FBXO17: variants seen among roughly 807,000 people sequenced by gnomAD.
FBXO17 encodes F-box protein 17.
In FBXO17, 43 loss-of-function variants were observed where a neutral mutation model predicts 34.1. The ratio of observed to expected loss-of-function variants is 1.26; its 90% CI spans 0.99 to 1.62. The LOEUF (loss-of-function observed/expected upper bound fraction) is 1.62, where lower values mean the gene tolerates loss of function less well. Among genes scored for constraint, FBXO17 ranks in the 40% most tolerant of loss-of-function variants. The pLI, the probability that FBXO17 is intolerant of heterozygous loss-of-function variation, is 0.00. For synonymous variants in FBXO17, 169 were observed against 166.0 expected (o/e 1.02, Z -0.14); for missense variants, 424 against 386.7 (o/e 1.10, Z -0.81).
Position 38,950,176 on chromosome 19 carries a change from G to A in FBXO17, c.144C>T (p.Ala48=), listed in dbSNP as rs112506678. 4,267 of 1,559,760 alleles carry A rather than the reference G, an allele frequency of 2.7e-3. 83 individuals carry two copies. The African/African-American group carries it at 0.049, about 18-fold the overall frequency. The change falls in exon 2 of 6, where the codon GCC becomes GCT. Residue 48 remains alanine, a synonymous_variant. Transcript: ENST00000292852. ...TGGGCCCGTCCACTATGTCGCGCCA[G>A]GCGCGGCACACTGGGCGGCATCGCG... ...LVTRCRPVCR[A]WRDIVDGPTV... is the part of the protein sequence containing the mutation.
intron 1 of FBXO17, among the ~76,000 whole-genome samples, chr19:38,962,134 G>A (rs1262708777): frequency 3.4e-5 from 5 of 149,040 alleles, no homozygotes; most frequent in African/African-American, 1.2e-4. Flanking sequence ...AAAAAGCTCC[G>A]GGAACGGTGG....
At chr19:38,965,699 G>C (rs1307034975) in intron 1 of FBXO17, among the ~76,000 whole-genome samples, 3 of 152,084 alleles carry the variant, frequency 2.0e-5, no homozygotes, top group Non-Finnish European at 2.9e-5. Context: ...TAGAGACGAG[G>C]TTTCGCCATG....
chr19:38,946,524 C>A lies in FBXO17; in HGVS notation c.505G>T (p.Val169Leu), dbSNP rs546215787. ...RQLVDLVMEG[V>L]WQELLDSAQI... ...GCGCTGTCCAGCAGCTCCTGCCACA[C>A]CCCTTCCATCACCAGGTCCACAAGC... is the stretch of plus-strand genomic sequence containing the variant. Residue 169 changes from valine (V) to leucine (L), a missense_variant, in exon 4 of 6, where the codon GTG (valine) becomes TTG (leucine). Coordinates refer to ENST00000292852, the MANE Select transcript of FBXO17 (RefSeq NM_024907.7). 4.4e-5 allele frequency: 71 copies of A among 1,614,070 alleles called. No individual in the cohort carries two copies. The highest frequency in any genetic ancestry group is 3.5e-4 in the Admixed American group (21 of 60,018).
chr19:38,949,896 ACT>A, intron 2 of FBXO17, 73 bp downstream of exon 2: 1 of 1,436,782 alleles, frequency 7.0e-7, no homozygotes, highest in Non-Finnish European at 9.1e-7. Context: ...CATCTCTCAG[ACT>A]CTGTCCCGGC....
chr19:38,971,559 G>A (rs1975391401), intron 1 of FBXO17, among the ~76,000 whole-genome samples: 1 of 152,152 alleles, frequency 6.6e-6, no homozygotes, highest in Non-Finnish European at 1.5e-5. Context: ...CAAGGCAGGA[G>A]GATGGCTTGA....
chr19:38,964,765 T>C (rs1333311042), intron 1 of FBXO17, among the ~76,000 whole-genome samples: 1 of 151,662 alleles, frequency 6.6e-6, no homozygotes. Context: ...AGACCCCATT[T>C]CAAAGAAAAA....
At chr19:38,943,214 CT>C (rs11300059) in intron 5 of FBXO17, among the ~76,000 whole-genome samples, 106,339 of 145,252 alleles carry the variant, frequency 0.73, 39,739 homozygotes, top group East Asian at 0.95. Context: ...AGGACTTTGG[CT>C]TTTTTTTTTT....
chr19:38,945,314 G>A, intron 4 of FBXO17: 2 of 630,560 alleles, frequency 3.2e-6, no homozygotes, highest in Non-Finnish European at 5.3e-6. Context: ...GGGTGGTCCT[G>A]GGGAGGAGCC....
intron 5 of FBXO17, among the ~76,000 whole-genome samples, chr19:38,943,992 T>A (rs1366843287): frequency 6.6e-6 from 1 of 152,166 alleles, no homozygotes. Context: ...AGGAAAAAAC[T>A]CTGCATCCAT....
In FBXO17 at chr19:38,950,356, G is replaced by A. The variant is rs1167111908; in HGVS notation, c.-17-20C>T. 5.7e-6 allele frequency: 8 copies of A among 1,398,042 alleles called. No individual in the cohort carries two copies. In the South Asian group the frequency reaches 1.1e-4, roughly 19 times the overall value. 86.6% of individuals were successfully genotyped at this position (1,398,042 alleles called of 1,614,324 possible). On this transcript the variant is annotated intron_variant, in intron 1 of 5. Transcript: ENST00000292852. ...AGAGTCCTGCAGGTCGAGAGGGGTC[G>A]GTAGGCGGGTCAGCGCAGCCAGGCC...
chr19:38,957,595 A>T (rs537560016), intron 1 of FBXO17, among the ~76,000 whole-genome samples: 17 of 151,998 alleles, frequency 1.1e-4, no homozygotes, highest in Non-Finnish European at 2.4e-4. Flanking sequence ...CCGCCCGCCT[A>T]GGCCTCCCAA....
intron 5 of FBXO17, among the ~76,000 whole-genome samples, chr19:38,944,047 G>T (rs543337188): frequency 6.6e-6 from 1 of 152,084 alleles, no homozygotes; most frequent in Non-Finnish European, 1.5e-5. Flanking sequence ...CCTGGCAGTC[G>T]CCAATCTTCT....
chr19:38,968,356 C>T (rs1233316653), intron 1 of FBXO17, among the ~76,000 whole-genome samples: 1 of 151,670 alleles, frequency 6.6e-6, no homozygotes, highest in Non-Finnish European at 1.5e-5. Flanking sequence ...TGCAGTGGCT[C>T]ATGCCTGTAA....
At chr19:38,960,557 AG>A (rs1325347089) in intron 1 of FBXO17, among the ~76,000 whole-genome samples, 1 of 152,030 alleles carries the variant, frequency 6.6e-6, no homozygotes, top group Admixed American at 6.6e-5. Context: ...CCCCCAGGCT[AG>A]AGTGCAGTGG....
chr19:38,942,769 G>C lies in FBXO17; in HGVS notation c.694-18C>G. On this transcript the variant is annotated intron_variant, in intron 5 of 5. Coordinates refer to ENST00000292852, the MANE Select transcript of FBXO17 (RefSeq NM_024907.7). ...TGGGAGACCTGCAGGGGGAAGGGGA[G>C]TGAGAGGGTGAGGGCCTGCGGGCCC... 1.3e-6 allele frequency: 2 copies of C among 1,594,978 alleles called. No homozygotes were observed. The highest frequency in any genetic ancestry group is 1.7e-6 in the Non-Finnish European group (2 of 1,172,822).
At chr19:38,968,825 T>C (rs1474168884) in intron 1 of FBXO17, among the ~76,000 whole-genome samples, 1 of 152,166 alleles carries the variant, frequency 6.6e-6, no homozygotes, top group East Asian at 1.9e-4. Context: ...TGTGCTTCTA[T>C]GAAATGACCA....
intron 1 of FBXO17, 134 bp from the exon 2 acceptor site, chr19:38,950,470 C>A (rs1975066954): frequency 3.3e-6 from 4 of 1,222,550 alleles, no homozygotes; most frequent in Non-Finnish European, 1.1e-6. Context: ...GACCCATTTC[C>A]CTCTCTGATC....
At chr19:38,945,401 G>A (rs1974963089) in intron 4 of FBXO17, 1 of 421,954 alleles carries the variant, frequency 2.4e-6, no homozygotes, top group Non-Finnish European at 4.2e-6. Context: ...ACCCTGGGGT[G>A]GAGCCAGAGC....
intron 1 of FBXO17, among the ~76,000 whole-genome samples, chr19:38,962,724 C>CTT (rs147912194): frequency 1.8e-4 from 26 of 148,368 alleles, no homozygotes; most frequent in Middle Eastern, 3.5e-3. Flanking sequence ...TTTTTCTTTC[C>CTT]TTTTTTTTTT....
Sources: gnomAD v4.1 joint callset for allele counts (sites outside exome capture counted in the v4.1 genomes callset) on GRCh38, gnomAD v4.1.1 for gene constraint, MANE v1.5 for transcripts, NCBI Gene and HGNC (gene_info 2026-07-23, HGNC 2026-07-21) for gene names.